The following SDCCAG8 variants were observed in gnomAD, a reference collection of about 807,000 sequenced individuals.
The protein encoded by SDCCAG8 is serologically defined colon cancer antigen 8.
In SDCCAG8, 74 loss-of-function variants were observed where a neutral mutation model predicts 101.8. That is an observed-to-expected ratio of 0.73 (90% CI 0.60 to 0.88). The LOEUF (loss-of-function observed/expected upper bound fraction) is 0.88, where lower values mean the gene tolerates loss of function less well. Ranked by LOEUF, SDCCAG8 falls within the 40% of genes least tolerant of loss-of-function variation. The probability of loss-of-function intolerance (pLI) is 0.00; values close to 1 mark genes in which losing one functional copy is unlikely to be tolerated. For synonymous variants in SDCCAG8, 281 were observed against 292.9 expected (o/e 0.96, Z 0.41); for missense variants, 787 against 822.6 (o/e 0.96, Z 0.53).
intron 12 of SDCCAG8, among the ~76,000 whole-genome samples, chr1:243,365,707 A>G (rs937577892): frequency 2.6e-5 from 4 of 152,144 alleles, no homozygotes; most frequent in Admixed American, 6.6e-5. Flanking sequence ...CTAAAAAACT[A>G]TATTTACTAT....
At chr1:243,495,781 G>T (rs1250176878) in intron 17 of SDCCAG8, among the ~76,000 whole-genome samples, 1 of 152,204 alleles carries the variant, frequency 6.6e-6, no homozygotes, top group Non-Finnish European at 1.5e-5. Context: ...GTGCGTTGGT[G>T]GCGAGCCAGA....
intron 16 of SDCCAG8, chr1:243,475,952 C>G (rs986103022): frequency 2.0e-6 from 2 of 985,306 alleles, no homozygotes; most frequent in African/African-American, 3.5e-5. Flanking sequence ...TGGGCAGGCT[C>G]CATCTCGTCT....
At chr1:243,378,129 T>C (rs2077708431) in intron 12 of SDCCAG8, among the ~76,000 whole-genome samples, 1 of 151,970 alleles carries the variant, frequency 6.6e-6, no homozygotes, top group Non-Finnish European at 1.5e-5. Context: ...AAATATTATT[T>C]TAGCTCAGAA....
intron 9 of SDCCAG8, among the ~76,000 whole-genome samples, chr1:243,325,514 A>G (rs1396255357): frequency 6.6e-6 from 1 of 151,856 alleles, no homozygotes; most frequent in Admixed American, 6.6e-5. Context: ...CTAGTGTGGC[A>G]TTTGGGTATC....
intron 10 of SDCCAG8, among the ~76,000 whole-genome samples, chr1:243,335,307 T>C (rs1322792172): frequency 6.6e-6 from 1 of 152,032 alleles, no homozygotes; most frequent in Non-Finnish European, 1.5e-5. Flanking sequence ...CCAATATGAA[T>C]AAGACATGGA....
chr1:243,450,047 C>G (rs745819370), intron 16 of SDCCAG8, among the ~76,000 whole-genome samples: 6 of 152,216 alleles, frequency 3.9e-5, no homozygotes, highest in Non-Finnish European at 8.8e-5. Context: ...TAGAGGCCAA[C>G]ATTCCCTGAT....
intron 13 of SDCCAG8, among the ~76,000 whole-genome samples, chr1:243,407,362 T>C: frequency 6.6e-6 from 1 of 152,240 alleles, no homozygotes; most frequent in East Asian, 1.9e-4. Context: ...CAAACAGGAA[T>C]ATCTGTTCCA....
intron 1 of SDCCAG8, among the ~76,000 whole-genome samples, chr1:243,258,479 A>C (rs1403187726): frequency 6.6e-6 from 1 of 152,192 alleles, no homozygotes; most frequent in African/African-American, 2.4e-5. Flanking sequence ...ATCTCGGCTC[A>C]CTGCAGCCTC....
chr1:243,488,598 C>A, intron 16 of SDCCAG8: 1 of 248,532 alleles, frequency 4.0e-6, no homozygotes, highest in African/African-American at 2.2e-5. Flanking sequence ...TAATGGAAAA[C>A]CCTTACTTCA....
chr1:243,355,358 C>T (rs1370516917), intron 12 of SDCCAG8, among the ~76,000 whole-genome samples: 3 of 152,096 alleles, frequency 2.0e-5, no homozygotes, highest in African/African-American at 7.2e-5. Context: ...CCTACCCTCT[C>T]TCCATGGTAA....
intron 1 of SDCCAG8, among the ~76,000 whole-genome samples, chr1:243,268,306 C>G (rs1311987916): frequency 2.0e-5 from 3 of 152,198 alleles, no homozygotes; most frequent in Non-Finnish European, 4.4e-5. Flanking sequence ...TCATGTAACA[C>G]TTTGATTTTC....
intron 16 of SDCCAG8, among the ~76,000 whole-genome samples, chr1:243,445,650 C>G (rs959393885): frequency 6.6e-6 from 1 of 152,096 alleles, no homozygotes; most frequent in African/African-American, 2.4e-5. Context: ...CCTGGATAAA[C>G]AACACCCAAA....
At chr1:243,265,067 GC>G (rs1358557025) in intron 1 of SDCCAG8, among the ~76,000 whole-genome samples, 1 of 152,180 alleles carries the variant, frequency 6.6e-6, no homozygotes, top group Non-Finnish European at 1.5e-5. Flanking sequence ...GATTATGGGG[GC>G]TTCAGTTGCA....
Position 243,275,699 on chromosome 1 carries a change from A to G in SDCCAG8, c.420+1043A>G, listed in dbSNP as rs542953883. 2.0e-5 allele frequency among the ~76,000 whole-genome samples: 3 copies of G among 152,240 alleles called. No homozygotes were observed. In the East Asian group the frequency reaches 5.8e-4, roughly 29 times the overall value. ...AAATTTACTATCTAGTTGAGAAGAC[A>G]GAACTATTCCCTATTAACACCATAA... On this transcript the variant is annotated intron_variant, in intron 4 of 17. Transcript: ENST00000366541.
rs902275807 is a variant in SDCCAG8, at chr1:243,498,019, A to C, written c.2113-1737A>C. On this transcript the variant is annotated intron_variant, in intron 17 of 17. Transcript: ENST00000366541. ...GTGTTATCTGTTGGGATTTATGCTT[A>C]TCCCTTTTGTATTCAGTCATCCTAG... 3.3e-5 allele frequency among the ~76,000 whole-genome samples: 5 copies of C among 152,010 alleles called. No individual in the cohort carries two copies. The South Asian group carries it at 1.0e-3, about 31-fold the overall frequency.
chr1:243,392,474 T>C (rs1445824303), intron 13 of SDCCAG8, among the ~76,000 whole-genome samples: 1 of 152,244 alleles, frequency 6.6e-6, no homozygotes. Flanking sequence ...GTTACAGTGA[T>C]GGCAGTTCTC....
Position 243,308,040 on chromosome 1 carries a change from A to G in SDCCAG8, c.792A>G (p.Leu264=), listed in dbSNP as rs1253364096. ...QRTCEDLKEQ[L]KHKEFLLAAN... ...CTTGTGAAGATCTTAAAGAGCAACTAAAGCATAAAGAATTTCTTCTGGCTG... is the reference window on the plus strand; with the variant it reads ...CTTGTGAAGATCTTAAAGAGCAACTGAAGCATAAAGAATTTCTTCTGGCTG... Residue 264 remains leucine, a synonymous_variant, in exon 8 of 18, where the codon CTA becomes CTG. Coordinates refer to ENST00000366541, the MANE Select transcript of SDCCAG8 (RefSeq NM_006642.5). 6.2e-7 allele frequency: 1 copy of G among 1,614,182 alleles called. No individual in the cohort carries two copies. The highest frequency in any genetic ancestry group is 8.5e-7 in the Non-Finnish European group (1 of 1,180,032).
At chr1:243,292,608 G>A (rs1218328784) in intron 5 of SDCCAG8, among the ~76,000 whole-genome samples, 2 of 152,124 alleles carry the variant, frequency 1.3e-5, no homozygotes, top group Non-Finnish European at 2.9e-5. Flanking sequence ...GTTTCCTCCT[G>A]TATAAAATGG....
intron 16 of SDCCAG8, 55 bp downstream of exon 16, chr1:243,426,613 C>T: frequency 1.9e-6 from 3 of 1,607,644 alleles, no homozygotes; most frequent in Admixed American, 1.7e-5. Flanking sequence ...GTTTGGTTTA[C>T]ACACTGAAGG....
Sources: gnomAD v4.1 joint callset for allele counts (sites outside exome capture counted in the v4.1 genomes callset) on GRCh38, gnomAD v4.1.1 for gene constraint, MANE v1.5 for transcripts, NCBI Gene and HGNC (gene_info 2026-07-23, HGNC 2026-07-21) for gene names.